Variants in CADPS2 observed in about 807,000 individuals in gnomAD.
The protein encoded by CADPS2 is calcium-dependent secretion activator 2.
A neutral mutation model predicts 172.5 loss-of-function variants in CADPS2; 93 were observed. The ratio of observed to expected loss-of-function variants is 0.54; its 90% CI spans 0.46 to 0.64. The LOEUF is 0.64. Ranked by LOEUF, CADPS2 falls within the 30% of genes least tolerant of loss-of-function variation. The pLI is 0.00. For synonymous variants in CADPS2, 546 were observed against 555.2 expected (o/e 0.98, Z 0.23); for missense variants, 1,420 against 1,565.9 (o/e 0.91, Z 1.57).
intron 8 of CADPS2, among the ~76,000 whole-genome samples, chr7:122,540,112 G>C (rs1033344844): frequency 6.6e-6 from 1 of 151,986 alleles, no homozygotes; most frequent in African/African-American, 2.4e-5. Flanking sequence ...AATTTTAAAA[G>C]TCCACTGAAT....
At position 122,762,024 on chromosome 7, in the gene CADPS2, A is replaced by C. The variant is rs1188584027; in HGVS notation, c.340-24956T>G. Among the ~76,000 whole-genome samples the C allele has an allele frequency of 1.2e-4, 10 of 81,672 alleles. No individual in the cohort carries two copies. In the Admixed American group the frequency reaches 1.4e-3, roughly 11 times the overall value. The allele number at this position is 81,672 out of a possible 152,430, so 53.6% of individuals were successfully genotyped here. ...AAAAAAAAAAAAAAAATATATATAT[A>C]TATATACACACACACACACACACAC... On this transcript the variant is annotated intron_variant, in intron 1 of 29. Transcript: ENST00000449022.
At chr7:122,532,212 A>G (rs1050558932) in intron 8 of CADPS2, among the ~76,000 whole-genome samples, 3 of 152,052 alleles carry the variant, frequency 2.0e-5, no homozygotes, top group Admixed American at 1.3e-4. Flanking sequence ...TTTGAGGAGG[A>G]GATAAAAATG....
At position 122,581,298 on chromosome 7, in the gene CADPS2, G is replaced by A; in HGVS notation, c.1224-8C>T. On this transcript the variant is annotated splice_polypyrimidine_tract_variant and splice_region_variant and intron_variant, in intron 6 of 29. Transcript: ENST00000449022. ...TCTCCTTGAGTCCCCCATCTGTAAT[G>A]AAGTAAAAAAAATGTTTCTTAAAAT... The A allele has an allele frequency of 1.2e-6, 2 of 1,604,120 alleles. No individual in the cohort carries two copies. The highest frequency in any genetic ancestry group is 1.7e-6 in the Non-Finnish European group (2 of 1,171,916).
At position 122,504,359 on chromosome 7, in the gene CADPS2, G is replaced by A. The variant is rs1314049295; in HGVS notation, c.1542+8890C>T. 1.5e-4 allele frequency among the ~76,000 whole-genome samples: 22 copies of A among 151,700 alleles called. 1 individual carries two copies. On this transcript the variant is annotated intron_variant, in intron 9 of 29. Transcript: ENST00000449022. ...ACTTTATTCTTTTTGAGTCTTAGAAGAATTGTTTCATGTTGGGTACAGGAC... is the reference window on the plus strand; with the variant it reads ...ACTTTATTCTTTTTGAGTCTTAGAAAAATTGTTTCATGTTGGGTACAGGAC...
chr7:122,872,319 C>T (rs887185187), intron 1 of CADPS2, among the ~76,000 whole-genome samples: 3 of 152,078 alleles, frequency 2.0e-5, no homozygotes, highest in African/African-American at 4.8e-5. Context: ...ATTACTTGAA[C>T]ATTTTGGCCT....
intron 24 of CADPS2, among the ~76,000 whole-genome samples, chr7:122,385,959 T>C (rs745502897): frequency 7.9e-5 from 12 of 152,126 alleles, no homozygotes; most frequent in Non-Finnish European, 1.5e-4. Flanking sequence ...GCTCCTATAG[T>C]TATTCAGATT....
intron 8 of CADPS2, among the ~76,000 whole-genome samples, chr7:122,540,977 CAT>C (rs1423848708): frequency 1.4e-5 from 2 of 147,338 alleles, no homozygotes; most frequent in African/African-American, 2.7e-5. Context: ...ACTATAAATA[CAT>C]AGAGAGTACT....
At chr7:122,438,072 A>T (rs1185623863) in intron 17 of CADPS2, among the ~76,000 whole-genome samples, 9 of 152,144 alleles carry the variant, frequency 5.9e-5, no homozygotes. Context: ...CCATGAAAAC[A>T]CCTTTTGGTT....
intron 11 of CADPS2, among the ~76,000 whole-genome samples, chr7:122,488,652 G>A (rs1431213039): frequency 1.3e-5 from 2 of 152,192 alleles, no homozygotes; most frequent in Non-Finnish European, 2.9e-5. Context: ...TCTTAGGCTA[G>A]ATGTTACATT....
At chr7:122,680,762 A>C (rs534576158) in intron 2 of CADPS2, among the ~76,000 whole-genome samples, 4 of 152,156 alleles carry the variant, frequency 2.6e-5, no homozygotes, top group Non-Finnish European at 5.9e-5. Context: ...CATTTGACCC[A>C]GCCATCCCAT....
rs1187606805 is a variant in CADPS2, at chr7:122,636,221, TG to T, written c.787-6894del. Among the ~76,000 whole-genome samples, 4 of 152,288 alleles carry T rather than the reference TG, an allele frequency of 2.6e-5. 1 individual carries two copies. In the East Asian group the frequency reaches 7.7e-4, roughly 29 times the overall value. On this transcript the variant is annotated intron_variant, in intron 3 of 29. Transcript: ENST00000449022. ...GGCTGTGTGCCTAAGTATGTTTTTG[TG>T]GTAGCAGGTTTTGGTGTTTCATCTC...
At chr7:122,418,232 C>A (rs575687871) in intron 17 of CADPS2, among the ~76,000 whole-genome samples, 1 of 151,854 alleles carries the variant, frequency 6.6e-6, no homozygotes, top group African/African-American at 2.4e-5. Flanking sequence ...CAAGCCAGGG[C>A]GCTTCCCACG....
intron 1 of CADPS2, among the ~76,000 whole-genome samples, chr7:122,879,987 T>G (rs1300147847): frequency 6.6e-6 from 1 of 152,240 alleles, no homozygotes; most frequent in Non-Finnish European, 1.5e-5. Flanking sequence ...TTAATTACTT[T>G]AATTACTTTA....
In CADPS2 at chr7:122,595,149, G is replaced by A. The variant is rs529595889; in HGVS notation, c.1224-13859C>T. On this transcript the variant is annotated intron_variant, in intron 6 of 29. Transcript: ENST00000449022. ...TTTGTGGGACTAAAGAGTTAGATGTGTTATATGAACCAAAAAAAAAAAAAT... is the reference window on the plus strand; with the variant it reads ...TTTGTGGGACTAAAGAGTTAGATGTATTATATGAACCAAAAAAAAAAAAAT... 3.0e-4 allele frequency among the ~76,000 whole-genome samples: 45 copies of A among 147,554 alleles called. No individual in the cohort carries two copies. In the South Asian group the frequency reaches 7.4e-3, roughly 24 times the overall value.
chr7:122,870,613 C>A (rs1006801611), intron 1 of CADPS2, among the ~76,000 whole-genome samples: 3 of 151,832 alleles, frequency 2.0e-5, no homozygotes, highest in African/African-American at 4.8e-5. Flanking sequence ...AAAATTGGTA[C>A]ACAAATAGAT....
chr7:122,500,317 G>A (rs1398535058), intron 9 of CADPS2, among the ~76,000 whole-genome samples: 1 of 151,928 alleles, frequency 6.6e-6, no homozygotes, highest in Non-Finnish European at 1.5e-5. Context: ...CACTGCTTCT[G>A]TATTTTGGCA....
At chr7:122,549,845 T>C (rs531271690) in intron 8 of CADPS2, among the ~76,000 whole-genome samples, 1 of 152,142 alleles carries the variant, frequency 6.6e-6, no homozygotes, top group South Asian at 2.1e-4. Context: ...AAAAGGTACA[T>C]TTAAAAATGA....
chr7:122,419,464 T>C (rs895088004), intron 17 of CADPS2, among the ~76,000 whole-genome samples: 2 of 152,216 alleles, frequency 1.3e-5, no homozygotes, highest in South Asian at 4.1e-4. Flanking sequence ...TCACTTATCT[T>C]TCTTAATTTC....
At chr7:122,852,091 GAA>G (rs34336507) in intron 1 of CADPS2, among the ~76,000 whole-genome samples, 1 of 152,048 alleles carries the variant, frequency 6.6e-6, no homozygotes, top group African/African-American at 2.4e-5. Context: ...AAATTTAAGT[GAA>G]AAAGTTTTTT....
Sources: gnomAD v4.1 joint callset for allele counts (sites outside exome capture counted in the v4.1 genomes callset) on GRCh38, gnomAD v4.1.1 for gene constraint, MANE v1.5 for transcripts, NCBI Gene and HGNC (gene_info 2026-07-23, HGNC 2026-07-21) for gene names.